The following NR5A2 variants were observed in gnomAD, a reference collection of about 807,000 sequenced individuals.
The protein encoded by NR5A2 is nuclear receptor subfamily 5 group A member 2.
In NR5A2, 26 loss-of-function variants were observed where a neutral mutation model predicts 62.7. That is an observed-to-expected ratio of 0.41 (90% CI 0.30 to 0.58). The LOEUF is 0.58. Ranked by LOEUF, NR5A2 falls within the 20% of genes least tolerant of loss-of-function variation. NR5A2 has a pLI of 0.22. For missense variants in NR5A2, 541 were observed against 669.1 expected (o/e 0.81, Z 2.11); for synonymous variants, 246 against 241.7 (o/e 1.02, Z -0.16).
chr1:200,152,075 G>A (rs1342524600), intron 7 of NR5A2, among the ~76,000 whole-genome samples: 1 of 152,186 alleles, frequency 6.6e-6, no homozygotes, highest in Non-Finnish European at 1.5e-5. Flanking sequence ...GAGCACATTA[G>A]CTACCAATTA....
intron 7 of NR5A2, among the ~76,000 whole-genome samples, chr1:200,129,963 G>C (rs781021022): frequency 1.3e-5 from 2 of 152,146 alleles, no homozygotes; most frequent in Admixed American, 1.3e-4. Flanking sequence ...TTCTGGAGAA[G>C]CCTGGAAATA....
chr1:200,100,348 G>T (rs970859187), intron 5 of NR5A2, among the ~76,000 whole-genome samples: 1 of 147,960 alleles, frequency 6.8e-6, no homozygotes, highest in Non-Finnish European at 1.5e-5. Flanking sequence ...TTGGATTTCA[G>T]TTTAAGTATT....
chr1:200,042,723 C>T (rs569722895), intron 2 of NR5A2: 9 of 831,122 alleles, frequency 1.1e-5, no homozygotes, highest in Middle Eastern at 6.1e-4. Flanking sequence ...CCCGCCCACC[C>T]GCGCCCCGCG....
chr1:200,039,567 C>A lies in NR5A2; in HGVS notation c.65-91C>A. Reference sequence around the variant, plus strand: ...GCAGCCCCGAGGAGGCGGAGGCACGCTCCGGCGAGGCGAGAGGGTTGGGTT... The same window carrying A: ...GCAGCCCCGAGGAGGCGGAGGCACGATCCGGCGAGGCGAGAGGGTTGGGTT... On this transcript the variant is annotated intron_variant, in intron 1 of 7. Coordinates refer to ENST00000367362, the MANE Select transcript of NR5A2 (RefSeq NM_205860.3). The surrounding 1 kb of genome is among the most constrained non-coding windows in gnomAD (Gnocchi z 5.1). 1 of 1,575,816 alleles carries A rather than the reference C, an allele frequency of 6.3e-7. No homozygotes were observed. The highest frequency in any genetic ancestry group is 8.6e-7 in the Non-Finnish European group (1 of 1,157,400).
chr1:200,163,861 G>A (rs1377182211), intron 7 of NR5A2, among the ~76,000 whole-genome samples: 2 of 152,060 alleles, frequency 1.3e-5, no homozygotes, highest in African/African-American at 4.8e-5. Flanking sequence ...CATCATTTAG[G>A]GATATAAGAA....
chr1:200,156,135 G>A (rs1414860753), intron 7 of NR5A2, among the ~76,000 whole-genome samples: 1 of 152,150 alleles, frequency 6.6e-6, no homozygotes, highest in Non-Finnish European at 1.5e-5. Context: ...AGAGTCTAGG[G>A]TTTTGTTTTA....
In NR5A2 at chr1:200,048,197, A is replaced by AG; in HGVS notation, c.491dup (p.Arg165LysfsTer3). The stretch of plus-strand genomic sequence containing the variant: ...CTGTAAGGGCCGACCGAATGCGTGG[A>AG]GGAAGGAATAAGTTTGGGCCAATGT... On this transcript the variant is annotated frameshift_variant, in exon 5 of 8. Transcript: ENST00000367362. LOFTEE classifies it high-confidence loss of function. This position sits in a 1 kb window ranked among gnomAD's most constrained non-coding sequence, Gnocchi z 4.8. The AG allele has an allele frequency of 6.2e-7, 1 of 1,607,428 alleles. No individual in the cohort carries two copies. The highest frequency in any genetic ancestry group is 8.5e-7 in the Non-Finnish European group (1 of 1,175,852).
chr1:200,136,850 G>A (rs1571538843), intron 7 of NR5A2, among the ~76,000 whole-genome samples: 1 of 152,184 alleles, frequency 6.6e-6, no homozygotes, highest in Non-Finnish European at 1.5e-5. Context: ...AGTCAGAGCT[G>A]CTTTCTATTG....
intron 1 of NR5A2, chr1:200,038,623 C>A: frequency 1.0e-6 from 1 of 986,852 alleles, no homozygotes; most frequent in East Asian, 5.1e-5. Flanking sequence ...GTTTAACTCC[C>A]TTCATCTCCT....
At chr1:200,051,412 A>T (rs756564769) in intron 5 of NR5A2, among the ~76,000 whole-genome samples, 1 of 152,208 alleles carries the variant, frequency 6.6e-6, no homozygotes, top group African/African-American at 2.4e-5. Context: ...TTTATATAGC[A>T]TGAGGTTAAA....
chr1:200,052,681 G>A (rs1456598959), intron 5 of NR5A2, among the ~76,000 whole-genome samples: 3 of 150,606 alleles, frequency 2.0e-5, no homozygotes, highest in East Asian at 2.0e-4. Context: ...TTGCTTTGTC[G>A]CCCAGGTTGG....
intron 5 of NR5A2, among the ~76,000 whole-genome samples, chr1:200,070,673 C>G (rs1400555023): frequency 9.0e-6 from 1 of 110,614 alleles, no homozygotes; most frequent in Non-Finnish European, 1.9e-5. Flanking sequence ...GAGTGAGACT[C>G]TGTCTCAAAA....
intron 2 of NR5A2, chr1:200,042,698 G>A: frequency 1.9e-6 from 1 of 527,298 alleles, no homozygotes; most frequent in Non-Finnish European, 2.4e-6. Flanking sequence ...TCCCGGCTGC[G>A]CAGACCTGCG....
intron 4 of NR5A2, among the ~76,000 whole-genome samples, chr1:200,047,202 A>G (rs780606766): frequency 3.4e-4 from 51 of 152,234 alleles, no homozygotes; most frequent in Non-Finnish European, 6.3e-4. Context: ...CGCAGACTCC[A>G]CACACCACTG....
At chr1:200,086,734 A>G (rs967266758) in intron 5 of NR5A2, among the ~76,000 whole-genome samples, 1 of 152,202 alleles carries the variant, frequency 6.6e-6, no homozygotes, top group Non-Finnish European at 1.5e-5. Context: ...TGCAATCCTG[A>G]CCTGTGCTAA....
chr1:200,035,811 A>G (rs570595102), intron 1 of NR5A2, among the ~76,000 whole-genome samples: 1 of 152,288 alleles, frequency 6.6e-6, no homozygotes, highest in South Asian at 2.1e-4. Flanking sequence ...CGTCGGAAAG[A>G]AGGAGGTGGA....
In NR5A2 at chr1:200,170,362, G is replaced by A. The variant is rs867156186; in HGVS notation, c.1379-3601G>A. On this transcript the variant is annotated intron_variant, in intron 7 of 7. Coordinates refer to ENST00000367362, the MANE Select transcript of NR5A2 (RefSeq NM_205860.3). Reference sequence around the variant, plus strand: ...TGAGAATTTAAATTTCTATTTATATGGGATTCATGTTTTAATTTTCATGAA... The same window carrying A: ...TGAGAATTTAAATTTCTATTTATATAGGATTCATGTTTTAATTTTCATGAA... Among the ~76,000 whole-genome samples the A allele has an allele frequency of 3.9e-5, 6 of 152,116 alleles. No homozygotes were observed. The South Asian group carries it at 1.2e-3, about 32-fold the overall frequency.
At chr1:200,038,847 G>A (rs1661906668) in intron 1 of NR5A2, 17 of 989,766 alleles carry the variant, frequency 1.7e-5, no homozygotes, top group Non-Finnish European at 2.2e-5. Context: ...GGGGTGAAGA[G>A]GTTGGGGCAG....
At chr1:200,171,303 C>T (rs886925363) in intron 7 of NR5A2, among the ~76,000 whole-genome samples, 15 of 152,268 alleles carry the variant, frequency 9.9e-5, no homozygotes, top group Middle Eastern at 3.4e-3. Flanking sequence ...TTAACTCAGG[C>T]ATGTGGATTC....
Sources: gnomAD v4.1 joint callset for allele counts (sites outside exome capture counted in the v4.1 genomes callset) on GRCh38, gnomAD v4.1.1 for gene constraint, Gnocchi (gnomAD v3.1) non-coding constraint, MANE v1.5 for transcripts, NCBI Gene and HGNC (gene_info 2026-07-23, HGNC 2026-07-21) for gene names.